The following VAV3 variants were observed in gnomAD, a reference collection of about 807,000 sequenced individuals.
The protein encoded by VAV3 is guanine nucleotide exchange factor VAV3.
Under a neutral mutation model 131.2 loss-of-function variants are expected in VAV3, and 94 were observed. The ratio of observed to expected loss-of-function variants is 0.72; its 90% CI spans 0.61 to 0.85. The LOEUF (loss-of-function observed/expected upper bound fraction) is 0.85, where lower values mean the gene tolerates loss of function less well. Among genes scored for constraint, VAV3 ranks in the 40% least tolerant of loss-of-function variants. The pLI is 0.00. For synonymous variants in VAV3, 349 were observed against 342.0 expected (o/e 1.02, Z -0.22); for missense variants, 939 against 1,002.7 (o/e 0.94, Z 0.86).
chr1:107,761,397 AAAAAAAAAAAAAG>A (rs1014315411), intron 9 of VAV3, among the ~76,000 whole-genome samples: 14 of 151,364 alleles, frequency 9.2e-5, no homozygotes, highest in African/African-American at 2.7e-4. Flanking sequence ...CGTCTCAAAA[AAAAAAAAAAAAAG>A]AAAAAAGAAA....
intron 2 of VAV3, among the ~76,000 whole-genome samples, chr1:107,839,038 C>A (rs1461716692): frequency 6.6e-6 from 1 of 152,126 alleles, no homozygotes; most frequent in Non-Finnish European, 1.5e-5. Flanking sequence ...TACTCTAAAT[C>A]TTGGTATCAC....
chr1:107,708,559 A>C (rs1325088779), intron 15 of VAV3, among the ~76,000 whole-genome samples: 1 of 152,142 alleles, frequency 6.6e-6, no homozygotes, highest in East Asian at 1.9e-4. Flanking sequence ...TGCTGTCCTT[A>C]GATGTTCTCT....
At chr1:107,675,594 A>C (rs184124460) in intron 19 of VAV3, among the ~76,000 whole-genome samples, 1 of 152,268 alleles carries the variant, frequency 6.6e-6, no homozygotes, top group Non-Finnish European at 1.5e-5. Flanking sequence ...GCCGTGAAGC[A>C]GGTAGTGGCT....
intron 25 of VAV3, chr1:107,578,653 G>T: frequency 3.1e-6 from 1 of 327,436 alleles, no homozygotes; most frequent in Non-Finnish European, 4.4e-6. Context: ...CTGTTGCCCA[G>T]TTTGGAGTGC....
At chr1:107,738,220 G>C (rs888481783) in intron 15 of VAV3, among the ~76,000 whole-genome samples, 3 of 152,178 alleles carry the variant, frequency 2.0e-5, no homozygotes, top group Non-Finnish European at 1.5e-5. Context: ...GAGGGAATGG[G>C]GGAGGGATAG....
intron 2 of VAV3, among the ~76,000 whole-genome samples, chr1:107,797,422 T>G (rs930005346): frequency 1.3e-5 from 2 of 152,300 alleles, no homozygotes; most frequent in Middle Eastern, 3.4e-3. Context: ...ATCCCTTTCC[T>G]TAGGGAGTTA....
chr1:107,910,200 A>G (rs1343662800), intron 1 of VAV3, among the ~76,000 whole-genome samples: 1 of 152,244 alleles, frequency 6.6e-6, no homozygotes, highest in East Asian at 1.9e-4. Flanking sequence ...ATCCAGGCCT[A>G]TCTAATTCCA....
intron 1 of VAV3, among the ~76,000 whole-genome samples, chr1:107,893,301 A>C (rs986682776): frequency 1.3e-5 from 2 of 152,202 alleles, no homozygotes; most frequent in African/African-American, 4.8e-5. Flanking sequence ...ATTTTTACAC[A>C]TCTAGGAAAA....
intron 2 of VAV3, among the ~76,000 whole-genome samples, chr1:107,848,497 T>C (rs968463489): frequency 1.2e-4 from 19 of 152,168 alleles, no homozygotes; most frequent in African/African-American, 4.6e-4. Flanking sequence ...ATTATCTCAA[T>C]AGATGTAGAA....
intron 15 of VAV3, among the ~76,000 whole-genome samples, chr1:107,738,539 T>C (rs1000721634): frequency 2.0e-5 from 3 of 152,154 alleles, no homozygotes; most frequent in African/African-American, 7.2e-5. Context: ...TCTCCCCAAC[T>C]AGCCTGCTAT....
intron 15 of VAV3, among the ~76,000 whole-genome samples, chr1:107,706,199 C>T (rs565098442): frequency 6.6e-6 from 1 of 152,220 alleles, no homozygotes; most frequent in South Asian, 2.1e-4. Context: ...GCTTGAGATA[C>T]TGATGAGCCA....
At chr1:107,933,271 G>T (rs1421055905) in intron 1 of VAV3, among the ~76,000 whole-genome samples, 1 of 150,456 alleles carries the variant, frequency 6.6e-6, no homozygotes, top group Non-Finnish European at 1.5e-5. Flanking sequence ...TGGTGGTGTG[G>T]TGGTTTTTTT....
chr1:107,918,702 TA>T (rs1169455213), intron 1 of VAV3, among the ~76,000 whole-genome samples: 251 of 79,978 alleles, frequency 3.1e-3, no homozygotes, highest in East Asian at 0.01. Flanking sequence ...TATATATATA[TA>T]TATTTTTTTT....
chr1:107,616,330 C>T (rs114998522), intron 21 of VAV3, among the ~76,000 whole-genome samples: 85 of 147,924 alleles, frequency 5.7e-4, no homozygotes, highest in African/African-American at 1.9e-3. Context: ...AGTGAACTAA[C>T]ACAGGAACGG....
chr1:107,596,407 T>G, intron 24 of VAV3, 66 bp from the exon 25 acceptor site: 1 of 1,561,940 alleles, frequency 6.4e-7, no homozygotes, highest in Non-Finnish European at 8.7e-7. Flanking sequence ...CATGAACTCC[T>G]GAGCACATAA....
At chr1:107,856,973 A>G (rs945195347) in intron 2 of VAV3, among the ~76,000 whole-genome samples, 7 of 152,236 alleles carry the variant, frequency 4.6e-5, no homozygotes, top group African/African-American at 1.7e-4. Context: ...CAAGAGTTTG[A>G]GGTTACAGTG....
chr1:107,708,648 T>C (rs1345071855), intron 15 of VAV3, among the ~76,000 whole-genome samples: 2 of 152,168 alleles, frequency 1.3e-5, no homozygotes, highest in African/African-American at 4.8e-5. Flanking sequence ...TCTCCAGATA[T>C]GCATTCCTAA....
chr1:107,670,374 C>T (rs1657698754), intron 19 of VAV3, among the ~76,000 whole-genome samples: 1 of 152,212 alleles, frequency 6.6e-6, no homozygotes, highest in African/African-American at 2.4e-5. Context: ...CACTCTACTT[C>T]TATACCCTAT....
intron 19 of VAV3, among the ~76,000 whole-genome samples, chr1:107,666,859 G>A (rs1657446976): frequency 6.6e-6 from 1 of 152,152 alleles, no homozygotes; most frequent in Non-Finnish European, 1.5e-5. Context: ...AGAAGTTAAG[G>A]TACAGAGGGT....
Sources: gnomAD v4.1 joint callset for allele counts (sites outside exome capture counted in the v4.1 genomes callset) on GRCh38, gnomAD v4.1.1 for gene constraint, MANE v1.5 for transcripts, NCBI Gene and HGNC (gene_info 2026-07-23, HGNC 2026-07-21) for gene names.